Variants in ZFPM2 observed in about 807,000 individuals in gnomAD.
ZFPM2 encodes the protein zinc finger protein ZFPM2.
Under a neutral mutation model 98.6 loss-of-function variants are expected in ZFPM2, and 20 were observed. The ratio of observed to expected loss-of-function variants is 0.20; its 90% CI spans 0.14 to 0.29. The LOEUF (loss-of-function observed/expected upper bound fraction) is 0.29. ZFPM2 is among the 10% of genes least tolerant of loss of function. The pLI is 1.00. For missense variants in ZFPM2, 1,310 were observed against 1,388.6 expected (o/e 0.94, Z 0.90); for synonymous variants, 518 against 502.7 (o/e 1.03, Z -0.41).
intron 5 of ZFPM2, among the ~76,000 whole-genome samples, chr8:105,655,771 T>C (rs1215032713): frequency 2.0e-5 from 3 of 152,146 alleles, no homozygotes; most frequent in African/African-American, 7.2e-5. Flanking sequence ...CAAAGCACTG[T>C]TCTGGACACT....
chr8:105,410,600 C>T (rs1811557551), intron 1 of ZFPM2, among the ~76,000 whole-genome samples: 1 of 151,862 alleles, frequency 6.6e-6, no homozygotes, highest in African/African-American at 2.4e-5. Flanking sequence ...GTTATATAAA[C>T]ATATAGGGTA....
intron 5 of ZFPM2, among the ~76,000 whole-genome samples, chr8:105,701,115 A>C (rs1454790126): frequency 2.0e-5 from 3 of 152,168 alleles, no homozygotes. Flanking sequence ...TCATTCTCAC[A>C]TTTTGTTTTT....
chr8:105,759,839 C>T (rs186229811), intron 5 of ZFPM2, among the ~76,000 whole-genome samples: 1 of 151,986 alleles, frequency 6.6e-6, no homozygotes, highest in East Asian at 1.9e-4. Context: ...ATGTTCCTGA[C>T]CATTGCCAGG....
chr8:105,784,553 C>T (rs1813355927), intron 5 of ZFPM2, among the ~76,000 whole-genome samples: 1 of 145,752 alleles, frequency 6.9e-6, no homozygotes, highest in Non-Finnish European at 1.5e-5. Context: ...TAATGGCTAA[C>T]AATTATATAA....
At chr8:105,693,864 A>G (rs1454347759) in intron 5 of ZFPM2, among the ~76,000 whole-genome samples, 1 of 152,086 alleles carries the variant, frequency 6.6e-6, no homozygotes, top group Admixed American at 6.5e-5. Flanking sequence ...TATTTAAGAT[A>G]TCCATTACTT....
intron 1 of ZFPM2, among the ~76,000 whole-genome samples, chr8:105,375,762 C>A (rs1185261168): frequency 6.6e-6 from 1 of 152,106 alleles, no homozygotes; most frequent in Non-Finnish European, 1.5e-5. Context: ...GGCTTATAAT[C>A]ATAGCTGAGA....
intron 1 of ZFPM2, among the ~76,000 whole-genome samples, chr8:105,327,106 C>T (rs985420294): frequency 9.3e-5 from 14 of 151,284 alleles, no homozygotes; most frequent in African/African-American, 3.4e-4. Context: ...TTCTAATCCA[C>T]ATTTGGAAAA....
intron 1 of ZFPM2, among the ~76,000 whole-genome samples, chr8:105,416,806 T>C (rs1811688306): frequency 6.6e-6 from 1 of 152,102 alleles, no homozygotes; most frequent in South Asian, 2.1e-4. Flanking sequence ...TGGTTGACTT[T>C]CAGTAATTTG....
At chr8:105,592,237 T>C (rs910155337) in intron 4 of ZFPM2, among the ~76,000 whole-genome samples, 1 of 152,002 alleles carries the variant, frequency 6.6e-6, no homozygotes, top group Non-Finnish European at 1.5e-5. Flanking sequence ...TCCTTCTTTT[T>C]TCCCCCCTGA....
intron 3 of ZFPM2, among the ~76,000 whole-genome samples, chr8:105,519,615 C>T (rs981084213): frequency 5.3e-5 from 8 of 151,898 alleles, no homozygotes; most frequent in East Asian, 1.9e-4. Context: ...TGCAGTTAAT[C>T]GTTTGGGGAA....
chr8:105,392,239 A>G (rs1235732857), intron 1 of ZFPM2, among the ~76,000 whole-genome samples: 2 of 152,194 alleles, frequency 1.3e-5, no homozygotes, highest in Non-Finnish European at 2.9e-5. Flanking sequence ...AGTTAACCCA[A>G]TCTTTACTCT....
At chr8:105,723,845 C>T (rs1017228228) in intron 5 of ZFPM2, among the ~76,000 whole-genome samples, 1 of 151,640 alleles carries the variant, frequency 6.6e-6, no homozygotes, top group East Asian at 2.0e-4. Context: ...ATTTTTTTCT[C>T]CCAGAATAGA....
intron 2 of ZFPM2, among the ~76,000 whole-genome samples, chr8:105,422,059 A>C (rs2130095337): frequency 6.6e-6 from 1 of 151,966 alleles, no homozygotes; most frequent in African/African-American, 2.4e-5. Context: ...AAAAAAAAAA[A>C]AAAAAAAAAA....
intron 5 of ZFPM2, among the ~76,000 whole-genome samples, chr8:105,684,193 A>G (rs1810681011): frequency 6.6e-6 from 1 of 152,146 alleles, no homozygotes; most frequent in African/African-American, 2.4e-5. Flanking sequence ...ACCGAGTTAT[A>G]CTTAATATAG....
chr8:105,710,283 C>T (rs1320588075), intron 5 of ZFPM2, among the ~76,000 whole-genome samples: 1 of 151,986 alleles, frequency 6.6e-6, no homozygotes, highest in African/African-American at 2.4e-5. Context: ...GAGGTTCTGT[C>T]GTTTGTATTC....
intron 5 of ZFPM2, among the ~76,000 whole-genome samples, chr8:105,635,797 C>G (rs1816836797): frequency 6.6e-6 from 1 of 152,050 alleles, no homozygotes; most frequent in Admixed American, 6.6e-5. Flanking sequence ...TACCTGGTCC[C>G]CATTTATGAT....
intron 3 of ZFPM2, among the ~76,000 whole-genome samples, chr8:105,510,476 A>G (rs1159931505): frequency 3.3e-5 from 5 of 150,910 alleles, no homozygotes; most frequent in Admixed American, 6.6e-5. Context: ...ATGATTCACT[A>G]TAATGAAATG....
intron 5 of ZFPM2, among the ~76,000 whole-genome samples, chr8:105,747,118 T>G (rs1349183237): frequency 6.6e-6 from 1 of 152,090 alleles, no homozygotes; most frequent in Admixed American, 6.6e-5. Context: ...GCACACATTT[T>G]GCAATACTAA....
intron 3 of ZFPM2, among the ~76,000 whole-genome samples, chr8:105,524,940 T>A (rs939901978): frequency 6.6e-6 from 1 of 152,174 alleles, no homozygotes; most frequent in Admixed American, 6.5e-5. Context: ...TGCATTTTGT[T>A]CTTTTCGTCT....
Sources: gnomAD v4.1 joint callset for allele counts (sites outside exome capture counted in the v4.1 genomes callset) on GRCh38, gnomAD v4.1.1 for gene constraint, MANE v1.5 for transcripts, NCBI Gene and HGNC (gene_info 2026-07-23, HGNC 2026-07-21) for gene names.